The following SAT1 variants were observed in gnomAD, a reference collection of about 807,000 sequenced individuals.
SAT1 encodes diamine acetyltransferase 1.
A neutral mutation model predicts 14.7 loss-of-function variants in SAT1; 1 was observed. The ratio of observed to expected loss-of-function variants is 0.07; its 90% confidence interval spans 0.02 to 0.32. The LOEUF (loss-of-function observed/expected upper bound fraction) is 0.32, where lower values mean the gene tolerates loss of function less well. Among genes scored for constraint, SAT1 ranks in the 10% least tolerant of loss-of-function variants. The probability of loss-of-function intolerance (pLI) is 1.00; values close to 1 mark genes in which losing one functional copy is unlikely to be tolerated. For synonymous variants in SAT1, 67 were observed against 46.1 expected (o/e 1.45, Z -1.84); for missense variants, 77 against 129.1 (o/e 0.60, Z 1.96).
intron 3 of SAT1, chrX:23,784,955 T>C (rs1312953448): frequency 5.6e-6 from 1 of 178,128 alleles, no homozygotes. Flanking sequence ...CATACCAGTA[T>C]ACCAATAGGA....
At chrX:23,784,220 GT>G in intron 3 of SAT1, 1 of 870,471 alleles carries the variant, frequency 1.1e-6, no homozygotes, top group Non-Finnish European at 1.5e-6. Context: ...AATGGTTCTT[GT>G]TTGACCCTAA....
intron 2 of SAT1, 21 bp from the exon 3 acceptor site, chrX:23,783,779 C>G (rs980202313): frequency 1.2e-5 from 14 of 1,211,284 alleles, no homozygotes; most frequent in Non-Finnish European, 1.6e-5. Context: ...CCATTACCGC[C>G]CCTGCTCCCC....
intron 3 of SAT1, chrX:23,784,794 A>C (rs1369311833): frequency 8.8e-6 from 1 of 113,167 alleles, no homozygotes; most frequent in African/African-American, 3.3e-5. Flanking sequence ...GGGGAGAGCA[A>C]ATTGAAAATG....
In SAT1 at chrX:23,784,045, A is replaced by G. The variant is rs746576123; in HGVS notation, c.202+162A>G. ...ACTACTGAGGAAAAAAAAAAATTAG[A>G]TATGCTGCACTTAAGAATACTAGGG... is the stretch of plus-strand genomic sequence containing the variant. On this transcript the variant is annotated intron_variant, in intron 3 of 5. Coordinates refer to ENST00000379270, the MANE Select transcript of SAT1 (RefSeq NM_002970.4). The G allele has an allele frequency of 9.4e-5, 106 of 1,131,145 alleles. 1 individual carries two copies. The highest frequency in any genetic ancestry group is 2.5e-4 in the Middle Eastern group (1 of 3,993). 93.2% of individuals were successfully genotyped at this position (1,131,145 alleles called of 1,213,427 possible). A position where few individuals can be genotyped will look rare whatever the true frequency, so the allele number is the denominator to read the frequency against.
At chrX:23,784,342 A>G in intron 3 of SAT1, 1 of 825,448 alleles carries the variant, frequency 1.2e-6, no homozygotes, top group Non-Finnish European at 1.5e-6. Flanking sequence ...GTGTACATGG[A>G]TGGGCGGGGA....
In SAT1 at chrX:23,785,669, T is replaced by C. The variant is rs186009531; in HGVS notation, c.346-17T>C. The C allele has an allele frequency of 7.2e-5, 86 of 1,201,888 alleles. 1 individual carries two copies. In the African/African-American group the frequency reaches 1.2e-3, roughly 16 times the overall value. ...GCTGAAATGTCACTGAGTGTGTGTT[T>C]TACTCTCTCATAATAGGTTGCAATG... On this transcript the variant is annotated splice_polypyrimidine_tract_variant and intron_variant, in intron 5 of 5. Coordinates refer to ENST00000379270, the MANE Select transcript of SAT1 (RefSeq NM_002970.4).
Position 23,783,290 on chromosome X carries a change from C to T in SAT1, c.-62C>T, listed in dbSNP as rs778863754. ...TCCCGGGAGACGAATGAGGAACCAC[C>T]TCCTCCTACTGTTCAAGTACAGGGG... On this transcript the variant is annotated 5_prime_UTR_variant, in exon 1 of 6. Coordinates refer to ENST00000379270, the MANE Select transcript of SAT1 (RefSeq NM_002970.4). 2 of 1,068,512 alleles carry T rather than the reference C, an allele frequency of 1.9e-6. No homozygotes were observed. Among genetic ancestry groups the T allele is most frequent in the Non-Finnish European group, 2.6e-6 (2 of 767,134 alleles). The allele number at this position is 1,068,512 out of a possible 1,213,427, so 88.1% of individuals were successfully genotyped here. A position where few individuals can be genotyped will look rare whatever the true frequency, so the allele number is the denominator to read the frequency against.
chrX:23,783,579 C>CCCAAA, intron 1 of SAT1, 79 bp from the exon 2 acceptor site: 1 of 770,320 alleles, frequency 1.3e-6, no homozygotes. Flanking sequence ...CCGCCCGCCC[C>CCCAAA]ATTCCGTTCC....
At chrX:23,783,576 C>G in intron 1 of SAT1, 82 bp from the exon 2 acceptor site, 1 of 745,021 alleles carries the variant, frequency 1.3e-6, no homozygotes, top group Non-Finnish European at 2.0e-6. Context: ...CGCCCGCCCG[C>G]CCCATTCCGT....
intron 3 of SAT1, among the ~76,000 whole-genome samples, chrX:23,784,568 CTTTT>C (rs9306769): frequency 3.3e-5 from 2 of 60,600 alleles, no homozygotes; most frequent in African/African-American, 1.3e-4. Context: ...TGTCAGATGC[CTTTT>C]TTTTTTTTTT....
Position 23,785,374 on chromosome X carries a change from G to T in SAT1, c.249G>T (p.Pro83=), listed in dbSNP as rs369343665. 7 of 1,207,433 alleles carry T rather than the reference G, an allele frequency of 5.8e-6. No individual in the cohort carries two copies. Among genetic ancestry groups the T allele is most frequent in the Non-Finnish European group, 7.8e-6 (7 of 892,568 alleles). The change falls in exon 4 of 6, where the codon CCG becomes CCT. Residue 83 remains proline (P), a synonymous_variant. Coordinates refer to ENST00000379270, the MANE Select transcript of SAT1 (RefSeq NM_002970.4). ...GFAMYYFTYD[P]WIGKLLYLED... ...CCATGTACTATTTTACCTATGACCC[G>T]TGGATTGGCAAGTTATTGTATCTTG... is the stretch of plus-strand genomic sequence containing the variant.
chrX:23,785,850 G>A lies in SAT1; in HGVS notation c.510G>A (p.Glu170=), dbSNP rs1922697430. 1 of 1,182,545 alleles carries A rather than the reference G, an allele frequency of 8.5e-7. No individual in the cohort carries two copies. Among genetic ancestry groups the A allele is most frequent in the South Asian group, 1.9e-5 (1 of 52,627 alleles). Residue 170 remains glutamate (E), a synonymous_variant, in exon 6 of 6, where the codon GAG becomes GAA. Transcript: ENST00000379270. ...AGTACTTGCTAAAAATGGCAACAGA[G>A]GAGTGAGGAGTGCTGCTGTAGATGA... ...DKEYLLKMAT[E]E is the part of the protein sequence containing the mutation.
At position 23,783,786 on chromosome X, in the gene SAT1, C is replaced by G; in HGVS notation, c.119-14C>G. On this transcript the variant is annotated splice_polypyrimidine_tract_variant and intron_variant, in intron 2 of 5. Transcript: ENST00000379270. ...CGCCAAGGCCATTACCGCCCCTGCTCCCCCTTCTTGCAGATCTGCTAGAAG... is the reference window on the plus strand; with the variant it reads ...CGCCAAGGCCATTACCGCCCCTGCTGCCCCTTCTTGCAGATCTGCTAGAAG... 1.7e-6 allele frequency: 2 copies of G among 1,211,680 alleles called. No individual in the cohort carries two copies. The highest frequency in any genetic ancestry group is 2.2e-5 in the Admixed American group (1 of 46,047).
At position 23,785,222 on chromosome X, in the gene SAT1, C is replaced by T. The variant is rs1454883836; in HGVS notation, c.203-106C>T. ...GCCATGGCTACTTGTTTCTGTAATA[C>T]ATGCATGTGTGTTTTTTAAAACCTA... On this transcript the variant is annotated intron_variant, in intron 3 of 5. Coordinates refer to ENST00000379270, the MANE Select transcript of SAT1 (RefSeq NM_002970.4). 4 of 585,136 alleles carry T rather than the reference C, an allele frequency of 6.8e-6. No individual in the cohort carries two copies. In the East Asian group the frequency reaches 9.8e-5, roughly 14 times the overall value. 48.2% of individuals were successfully genotyped at this position (585,136 alleles called of 1,213,427 possible).
intron 1 of SAT1, 79 bp from the exon 2 acceptor site, chrX:23,783,579 C>CCAAACCA: frequency 2.6e-6 from 2 of 770,298 alleles, no homozygotes; most frequent in Non-Finnish European, 3.7e-6. Context: ...CCGCCCGCCC[C>CCAAACCA]ATTCCGTTCC....
At chrX:23,784,152 G>A in intron 3 of SAT1, 1 of 985,871 alleles carries the variant, frequency 1.0e-6, no homozygotes, top group Non-Finnish European at 1.3e-6. Flanking sequence ...AAGTATAAGT[G>A]CTGTGGAGAC....
Position 23,785,356 on chromosome X carries a change from C to T in SAT1, c.231C>T (p.Tyr77=). 8.3e-7 allele frequency: 1 copy of T among 1,206,060 alleles called. No individual in the cohort carries two copies. Among genetic ancestry groups the T allele is most frequent in the South Asian group, 1.8e-5 (1 of 56,878 alleles). ...ACAGCATTGTTGGTTTTGCCATGTA[C>T]TATTTTACCTATGACCCGTGGATTG... The part of the protein sequence containing the change: ...EGHSIVGFAM[Y]YFTYDPWIGK... The change falls in exon 4 of 6, where the codon TAC becomes TAT. Residue 77 remains tyrosine, a synonymous_variant. Transcript: ENST00000379270.
In SAT1 at chrX:23,785,952, A is replaced by G. The variant is rs750872348; in HGVS notation, c.*96A>G. 4.1e-5 allele frequency: 31 copies of G among 764,897 alleles called. No homozygotes were observed. The African/African-American group carries it at 6.2e-4, about 15-fold the overall frequency. The allele number at this position is 764,897 out of a possible 1,213,427, so 63.0% of individuals were successfully genotyped here. A position where few individuals can be genotyped will look rare whatever the true frequency, so the allele number is the denominator to read the frequency against. On this transcript the variant is annotated 3_prime_UTR_variant, in exon 6 of 6. Coordinates refer to ENST00000379270, the MANE Select transcript of SAT1 (RefSeq NM_002970.4). ...CTGTTTGTAGTGAAATAATAGAATGAGCACCCATTCCAAAGCTTTATTACC... is the reference window on the plus strand; with the variant it reads ...CTGTTTGTAGTGAAATAATAGAATGGGCACCCATTCCAAAGCTTTATTACC...
rs1922568981 is a variant in SAT1, at chrX:23,783,307, G to C, written c.-45G>C. 1 of 1,162,808 alleles carries C rather than the reference G, an allele frequency of 8.6e-7. No individual in the cohort carries two copies. The highest frequency in any genetic ancestry group is 1.2e-6 in the Non-Finnish European group (1 of 851,807). ...GGAACCACCTCCTCCTACTGTTCAAGTACAGGGGCCTGGTCCGCAAAGGGA... is the reference window on the plus strand; with the variant it reads ...GGAACCACCTCCTCCTACTGTTCAACTACAGGGGCCTGGTCCGCAAAGGGA... On this transcript the variant is annotated 5_prime_UTR_variant, in exon 1 of 6. Transcript: ENST00000379270.
Sources: gnomAD v4.1 joint callset for allele counts (sites outside exome capture counted in the v4.1 genomes callset) on GRCh38, gnomAD v4.1.1 for gene constraint, MANE v1.5 for transcripts, NCBI Gene and HGNC (gene_info 2026-07-23, HGNC 2026-07-21) for gene names.